ILDR2: variants seen among roughly 807,000 people sequenced by gnomAD.
ILDR2 encodes the protein immunoglobulin like domain containing receptor 2, also known as immunoglobulin-like domain-containing receptor 2.
A neutral mutation model predicts 66.8 loss-of-function variants in ILDR2; 25 were observed. The ratio of observed to expected loss-of-function variants is 0.37; its 90% confidence interval spans 0.27 to 0.52. The LOEUF is 0.52. ILDR2 is among the 20% of genes least tolerant of loss of function. The pLI is 0.88. For missense variants in ILDR2, 827 were observed against 876.8 expected (o/e 0.94, Z 0.72); for synonymous variants, 367 against 357.2 (o/e 1.03, Z -0.31).
At chr1:166,939,935 T>C (rs1661213739) in intron 3 of ILDR2, among the ~76,000 whole-genome samples, 1 of 152,232 alleles carries the variant, frequency 6.6e-6, no homozygotes, top group Non-Finnish European at 1.5e-5. Flanking sequence ...TATCCAAATG[T>C]TCAATCTACA....
chr1:166,946,404 G>A (rs1661614125), intron 3 of ILDR2, among the ~76,000 whole-genome samples: 2 of 152,108 alleles, frequency 1.3e-5, no homozygotes, highest in South Asian at 4.1e-4. Flanking sequence ...GAATAATTCT[G>A]AAACCGAATT....
intron 3 of ILDR2, among the ~76,000 whole-genome samples, chr1:166,944,732 G>A (rs972567575): frequency 2.0e-5 from 3 of 152,108 alleles, no homozygotes; most frequent in Non-Finnish European, 4.4e-5. Flanking sequence ...TTACCACAAA[G>A]ACCACAAGAC....
At chr1:166,904,672 T>G (rs1429576833), downstream of ILDR2, among the ~76,000 whole-genome samples, 3 of 152,240 alleles carry the variant, frequency 2.0e-5, no homozygotes, top group South Asian at 6.2e-4. Context: ...AAATCATGCC[T>G]GTTTTGCTTT....
In ILDR2 at chr1:166,914,550, T is replaced by A. The variant is rs1476362846; in HGVS notation, c.*4805A>T. On this transcript the variant is annotated 3_prime_UTR_variant, in exon 10 of 10. Coordinates refer to ENST00000271417, the MANE Select transcript of ILDR2 (RefSeq NM_199351.3). ...TGATGTTGGGATCAAATGAAAGTGT[T>A]CTGTAAACAGTAATATATCATAAAA... The A allele has an allele frequency of 6.6e-6, 1 of 152,248 alleles. No individual in the cohort carries two copies. The highest frequency in any genetic ancestry group is 1.5e-5 in the Non-Finnish European group (1 of 68,040). The allele number at this position is 152,248 out of a possible 1,614,324, so 9.4% of individuals were successfully genotyped here. A position where few individuals can be genotyped will look rare whatever the true frequency, so the allele number is the denominator to read the frequency against.
chr1:166,956,443 T>G (rs1662287543), intron 3 of ILDR2, among the ~76,000 whole-genome samples: 1 of 139,872 alleles, frequency 7.1e-6, no homozygotes, highest in Admixed American at 7.9e-5. Flanking sequence ...AAGAGAGAAA[T>G]CAAGGTTAAA....
rs1272831460 is a variant in ILDR2, at chr1:166,919,251, A to T, written c.*104T>A. 1.9e-6 allele frequency: 2 copies of T among 1,080,258 alleles called. No homozygotes were observed. The highest frequency in any genetic ancestry group is 1.4e-5 in the South Asian group (1 of 73,064). The allele number at this position is 1,080,258 out of a possible 1,614,324, so 66.9% of individuals were successfully genotyped here. On this transcript the variant is annotated 3_prime_UTR_variant, in exon 10 of 10. Coordinates refer to ENST00000271417, the MANE Select transcript of ILDR2 (RefSeq NM_199351.3). The stretch of plus-strand genomic sequence containing the variant: ...AAAGCAGAGATCAGCAAATCTTCCA[A>T]GGTGATGGCCAGAGAAGGTCCTGGG...
chr1:166,942,773 C>T (rs1374488042), intron 3 of ILDR2, among the ~76,000 whole-genome samples: 1 of 152,124 alleles, frequency 6.6e-6, no homozygotes, highest in Non-Finnish European at 1.5e-5. Context: ...AAATTGGAAA[C>T]AATAGTATTA....
chr1:166,966,688 A>ATGAG (rs1389389781), intron 1 of ILDR2, among the ~76,000 whole-genome samples: 4 of 152,234 alleles, frequency 2.6e-5, no homozygotes, highest in African/African-American at 9.6e-5. Flanking sequence ...CAGATCTGAA[A>ATGAG]TGAGTTCATA....
intron 1 of ILDR2, among the ~76,000 whole-genome samples, chr1:166,966,238 T>C (rs1412320742): frequency 6.6e-6 from 1 of 152,252 alleles, no homozygotes; most frequent in Non-Finnish European, 1.5e-5. Context: ...CCAATGATTC[T>C]GTGAGTTAAT....
At position 166,921,263 on chromosome 1, in the gene ILDR2, C is replaced by G. The variant is rs1001537420; in HGVS notation, c.1328G>C (p.Arg443Pro). 6 of 1,598,404 alleles carry G rather than the reference C, an allele frequency of 3.8e-6. No homozygotes were observed. In the African/African-American group the frequency reaches 8.0e-5, roughly 21 times the overall value. ...FADSYGQRPR[R>P]ADGNSHEARG... ...CGCCTCGTGACTGTTGCCGTCTGCC[C>G]GGCGGGGCCGCTGGCCGTAGGAGTC... Residue 443 changes from arginine (R) to proline (P), a missense_variant, in exon 9 of 10, where the codon CGG (arginine) becomes CCG (proline). By Grantham distance (103) the Arg-to-Pro change is moderately radical. Around this residue, in one of 2 missense-constraint regions of ILDR2, gnomAD observed 390 missense variants for 353.6 expected, o/e 1.10. Transcript: ENST00000271417. This position sits in a 1 kb window ranked among gnomAD's most constrained non-coding sequence, Gnocchi z 5.3.
chr1:166,943,775 A>G (rs1318561714), intron 3 of ILDR2: 2 of 974,006 alleles, frequency 2.1e-6, no homozygotes, highest in Non-Finnish European at 2.4e-6. Context: ...CACTTTACCA[A>G]CACTTGTGAA....
chr1:166,900,193 C>T (rs1019457108), intron 2 of ILDR2, among the ~76,000 whole-genome samples: 1 of 152,026 alleles, frequency 6.6e-6, no homozygotes, highest in African/African-American at 2.4e-5. Context: ...ATGCCCTCCA[C>T]AGCAGGCTCC....
In ILDR2 at chr1:166,913,577, G is replaced by T. The variant is rs1288567204; in HGVS notation, c.*5778C>A. ...GGCCAGCCCCACCAAGAAACTCTAAGAAAAATTTAGCTAAACTACTATATC... is the reference window on the plus strand; with the variant it reads ...GGCCAGCCCCACCAAGAAACTCTAATAAAAATTTAGCTAAACTACTATATC... On this transcript the variant is annotated 3_prime_UTR_variant, in exon 10 of 10. Transcript: ENST00000271417. 1.3e-5 allele frequency: 2 copies of T among 152,016 alleles called. No homozygotes were observed. The highest frequency in any genetic ancestry group is 2.1e-4 in the South Asian group (1 of 4,812). The allele number at this position is 152,016 out of a possible 1,614,324, so 9.4% of individuals were successfully genotyped here. A position where few individuals can be genotyped will look rare whatever the true frequency, so the allele number is the denominator to read the frequency against.
chr1:166,963,227 A>G (rs1662728725), intron 1 of ILDR2, among the ~76,000 whole-genome samples: 1 of 152,106 alleles, frequency 6.6e-6, no homozygotes, highest in Admixed American at 6.5e-5. Flanking sequence ...CCTTAAATCA[A>G]GTTTCTATTT....
intron 3 of ILDR2, among the ~76,000 whole-genome samples, chr1:166,955,103 T>C (rs572840562): frequency 6.6e-6 from 1 of 152,312 alleles, no homozygotes; most frequent in East Asian, 1.9e-4. Context: ...ATTTATAGAG[T>C]CACAGCAGAT....
chr1:166,920,951 C>T lies in ILDR2; in HGVS notation c.1640G>A (p.Ser547Asn). The change falls in exon 9 of 10, where the codon AGC (serine) becomes AAC (asparagine). Residue 547 changes from serine to asparagine, a missense_variant. This residue lies in a region of ILDR2 where 390 missense variants were observed against 353.6 expected (regional missense o/e 1.10). Transcript: ENST00000271417. ...GCTCCGCTTGGATGGCGTCTCCAGG[C>T]TGCCACCGCGGCTGGCGCCCTCGGG... ...ARPEGASRGGSLETPSKRSAQ... is the reference protein window; with the variant it reads ...ARPEGASRGGNLETPSKRSAQ... 3 of 1,484,230 alleles carry T rather than the reference C, an allele frequency of 2.0e-6. No homozygotes were observed. Among genetic ancestry groups the T allele is most frequent in the South Asian group, 2.6e-5 (2 of 77,120 alleles). The allele number at this position is 1,484,230 out of a possible 1,614,324, so 91.9% of individuals were successfully genotyped here. A position where few individuals can be genotyped will look rare whatever the true frequency, so the allele number is the denominator to read the frequency against.
Position 166,975,378 on chromosome 1 carries a change from G to C in ILDR2, c.-110C>G, listed in dbSNP as rs940481943. Reference sequence around the variant, plus strand: ...GGGCGGCGGCGGAGCGGCGGGCACCGGGCGTCCCTGGGCGCAGCGCCCGCC... The same window carrying C: ...GGGCGGCGGCGGAGCGGCGGGCACCCGGCGTCCCTGGGCGCAGCGCCCGCC... On this transcript the variant is annotated 5_prime_UTR_variant, in exon 1 of 10. Coordinates refer to ENST00000271417, the MANE Select transcript of ILDR2 (RefSeq NM_199351.3). The C allele has an allele frequency of 1.7e-6, 1 of 585,706 alleles. No individual in the cohort carries two copies. Among genetic ancestry groups the C allele is most frequent in the African/African-American group, 2.0e-5 (1 of 49,124 alleles). 36.3% of individuals were successfully genotyped at this position (585,706 alleles called of 1,614,324 possible). A position where few individuals can be genotyped will look rare whatever the true frequency, so the allele number is the denominator to read the frequency against.
chr1:166,900,907 T>C (rs1659253282), intron 2 of ILDR2, among the ~76,000 whole-genome samples: 2 of 152,242 alleles, frequency 1.3e-5, no homozygotes, highest in Non-Finnish European at 2.9e-5. Flanking sequence ...GAAAAATTGC[T>C]TGCTTTGGAT....
chr1:166,920,576 C>T (rs1214438522), intron 9 of ILDR2, 131 bp downstream of exon 9: 2 of 1,045,940 alleles, frequency 1.9e-6, no homozygotes, highest in Non-Finnish European at 2.5e-6. Flanking sequence ...CCCAGGCAGG[C>T]CCCTGCGGCC....
Sources: allele counts gnomAD v4.1 joint callset (sites outside exome capture counted in the v4.1 genomes callset), GRCh38; gene constraint gnomAD v4.1.1; regional missense constraint gnomAD v4.1.1; non-coding constraint Gnocchi (gnomAD v3.1); transcripts MANE v1.5; gene names NCBI Gene and HGNC (gene_info 2026-07-23, HGNC 2026-07-21).